XPR1: variants seen among roughly 807,000 people sequenced by gnomAD.
XPR1 encodes the protein xenotropic and polytropic retrovirus receptor 1.
A neutral mutation model predicts 87.5 loss-of-function variants in XPR1; 28 were observed. The observed-to-expected ratio is 0.32, with a 90% CI of 0.24 to 0.44. The LOEUF (loss-of-function observed/expected upper bound fraction) is 0.44. XPR1 is among the 20% of genes least tolerant of loss of function. The probability of loss-of-function intolerance (pLI) is 1.00; values close to 1 mark genes in which losing one functional copy is unlikely to be tolerated. For missense variants in XPR1, 559 were observed against 862.3 expected (o/e 0.65, Z 4.41); for synonymous variants, 300 against 306.1 (o/e 0.98, Z 0.21).
At chr1:180,673,547 G>C (rs1292522332) in intron 1 of XPR1, among the ~76,000 whole-genome samples, 1 of 152,172 alleles carries the variant, frequency 6.6e-6, no homozygotes, top group Non-Finnish European at 1.5e-5. Flanking sequence ...TTAGGAACTG[G>C]GCCACACAGC....
At chr1:180,776,472 A>G (rs941415749) in intron 2 of XPR1, among the ~76,000 whole-genome samples, 1 of 152,040 alleles carries the variant, frequency 6.6e-6, no homozygotes, top group Non-Finnish European at 1.5e-5. Context: ...AATGGAAATT[A>G]TACAATTTCC....
chr1:180,727,930 C>T (rs971796032), intron 2 of XPR1, among the ~76,000 whole-genome samples: 5 of 152,086 alleles, frequency 3.3e-5, no homozygotes, highest in Non-Finnish European at 7.4e-5. Context: ...TGATTTTGGT[C>T]GGCTTCTTTA....
intron 2 of XPR1, among the ~76,000 whole-genome samples, chr1:180,696,330 C>G (rs1482989412): frequency 1.3e-5 from 2 of 151,454 alleles, no homozygotes; most frequent in African/African-American, 4.8e-5. Context: ...TATCCTACAA[C>G]TTTACGGAAT....
intron 2 of XPR1, among the ~76,000 whole-genome samples, chr1:180,729,501 A>G (rs994946195): frequency 2.0e-5 from 3 of 152,206 alleles, no homozygotes; most frequent in Non-Finnish European, 4.4e-5. Flanking sequence ...CAATAGTTGA[A>G]CTAATCTACA....
intron 4 of XPR1, among the ~76,000 whole-genome samples, chr1:180,804,130 C>T (rs1013888641): frequency 2.6e-5 from 4 of 151,900 alleles, no homozygotes; most frequent in African/African-American, 4.8e-5. Context: ...GGATTACAGG[C>T]GCACGCCACC....
At chr1:180,687,732 AC>A (rs1382149745) in intron 2 of XPR1, among the ~76,000 whole-genome samples, 1 of 152,066 alleles carries the variant, frequency 6.6e-6, no homozygotes, top group Non-Finnish European at 1.5e-5. Context: ...TACATTGCAA[AC>A]AAATCTCTAT....
chr1:180,668,901 C>T (rs1656059313), intron 1 of XPR1, among the ~76,000 whole-genome samples: 2 of 151,974 alleles, frequency 1.3e-5, no homozygotes, highest in Admixed American at 6.6e-5. Context: ...ACCAGCCTGG[C>T]CAACATGGTG....
At chr1:180,791,706 T>C (rs1202547543) in intron 3 of XPR1, among the ~76,000 whole-genome samples, 1 of 152,244 alleles carries the variant, frequency 6.6e-6, no homozygotes, top group African/African-American at 2.4e-5. Flanking sequence ...AGATATTTTT[T>C]CATGAAACAG....
At position 180,836,356 on chromosome 1, in the gene XPR1, C is replaced by CAA. The variant is rs67209110; in HGVS notation, c.1307-155_1307-154dup. 5.3e-3 allele frequency among the ~76,000 whole-genome samples: 746 copies of CAA among 140,952 alleles called. 5 individuals are homozygous for CAA. The highest frequency in any genetic ancestry group is 0.018 in the African/African-American group (705 of 38,700). 92.5% of individuals were successfully genotyped at this position (140,952 alleles called of 152,430 possible). ...TGGACCACAGAGCGAGACTCAGTCT[C>CAA]AAAAAAAAAAAAGAAAATCTTGAGA... On this transcript the variant is annotated intron_variant, in intron 10 of 14. Transcript: ENST00000367590.
At chr1:180,666,789 C>CT (rs889374095) in intron 1 of XPR1, among the ~76,000 whole-genome samples, 24 of 152,296 alleles carry the variant, frequency 1.6e-4, no homozygotes, top group African/African-American at 5.3e-4. Context: ...GATAATTTTA[C>CT]TTTCCAGTTT....
In XPR1 at chr1:180,785,011, T is replaced by TTGTGTGTGTGTGTGTGTGTGTG. The variant is rs1186269708; in HGVS notation, c.122-2728_122-2707dup. On this transcript the variant is annotated intron_variant, in intron 2 of 14. Transcript: ENST00000367590. Reference sequence around the variant, plus strand: ...GTTAGTTTTTTTCGTGTGTGTGTGTTTGTGTGTGTGTGTGTGTGTGTGTGT... The same window carrying TTGTGTGTGTGTGTGTGTGTGTG: ...GTTAGTTTTTTTCGTGTGTGTGTGTTTGTGTGTGTGTGTGTGTGTGTGTGTGTGTGTGTGTGTGTGTGTGTGT... Among the ~76,000 whole-genome samples the TTGTGTGTGTGTGTGTGTGTGTG allele has an allele frequency of 1.8e-3, 251 of 136,380 alleles. 1 individual carries two copies. Among genetic ancestry groups the TTGTGTGTGTGTGTGTGTGTGTG allele is most frequent in the Middle Eastern group, 3.7e-3 (1 of 268 alleles). The allele number at this position is 136,380 out of a possible 152,430, so 89.5% of individuals were successfully genotyped here.
intron 2 of XPR1, among the ~76,000 whole-genome samples, chr1:180,775,585 G>A (rs1348189492): frequency 2.0e-5 from 3 of 151,986 alleles, no homozygotes; most frequent in Non-Finnish European, 2.9e-5. Flanking sequence ...AAAAGAACTA[G>A]GATTACTAAT....
In XPR1 at chr1:180,632,034, A is replaced by C; in HGVS notation, c.-168A>C. On this transcript the variant is annotated 5_prime_UTR_variant, in exon 1 of 15. Transcript: ENST00000367590. ...GAGGGGCGGGGCTATGGAGAGGAGG[A>C]GGAAGATGGCGGGCGGGCTGCTCTG... is the stretch of plus-strand genomic sequence containing the variant. 2 of 729,390 alleles carry C rather than the reference A, an allele frequency of 2.7e-6. No individual in the cohort carries two copies. The highest frequency in any genetic ancestry group is 2.1e-5 in the Admixed American group (1 of 46,994). 45.2% of individuals were successfully genotyped at this position (729,390 alleles called of 1,614,324 possible).
At chr1:180,872,706 G>A (rs1213407041) in intron 12 of XPR1, among the ~76,000 whole-genome samples, 18 of 143,084 alleles carry the variant, frequency 1.3e-4, no homozygotes, top group African/African-American at 4.4e-4. Context: ...ACTGGCCTGC[G>A]CCCACTGTCT....
In XPR1 at chr1:180,712,220, A is replaced by G. The variant is rs12404095; in HGVS notation, c.121+29809A>G. 5.8e-3 allele frequency among the ~76,000 whole-genome samples: 876 copies of G among 152,344 alleles called. 37 individuals carry two copies. The highest frequency in any genetic ancestry group is 0.044 in the Admixed American group (681 of 15,308). ...TTGCCCTTTGTGGCCATTAAATAAA[A>G]TAAGTGTTACTTGAACACAAGCACT... On this transcript the variant is annotated intron_variant, in intron 2 of 14. Coordinates refer to ENST00000367590, the MANE Select transcript of XPR1 (RefSeq NM_004736.4).
intron 7 of XPR1, among the ~76,000 whole-genome samples, chr1:180,813,354 T>G (rs1159114180): frequency 6.6e-6 from 1 of 152,244 alleles, no homozygotes; most frequent in African/African-American, 2.4e-5. Context: ...ATTCAAATGC[T>G]ACATTCTTAG....
chr1:180,847,280 T>G (rs999769702), intron 11 of XPR1, among the ~76,000 whole-genome samples: 1 of 152,216 alleles, frequency 6.6e-6, no homozygotes, highest in African/African-American at 2.4e-5. Flanking sequence ...GAAATTAATT[T>G]TTAAATCTGT....
At chr1:180,743,526 GA>G (rs2102025617) in intron 2 of XPR1, among the ~76,000 whole-genome samples, 1 of 152,116 alleles carries the variant, frequency 6.6e-6, no homozygotes, top group Non-Finnish European at 1.5e-5. Context: ...AGATTTTATA[GA>G]ACTCAAGAAG....
intron 2 of XPR1, among the ~76,000 whole-genome samples, chr1:180,684,797 A>G (rs922464166): frequency 3.7e-4 from 56 of 152,152 alleles, no homozygotes; most frequent in African/African-American, 1.3e-3. Flanking sequence ...TTTGTCTGTT[A>G]TTGGTGTATA....
Sources: allele counts gnomAD v4.1 joint callset (sites outside exome capture counted in the v4.1 genomes callset), GRCh38; gene constraint gnomAD v4.1.1; transcripts MANE v1.5; gene names NCBI Gene and HGNC (gene_info 2026-07-23, HGNC 2026-07-21).